Variants in TCF20 observed in about 807,000 individuals in gnomAD.
TCF20 encodes the protein SPRE-binding protein.
A neutral mutation model predicts 148.6 loss-of-function variants in TCF20; 3 were observed. The observed-to-expected ratio is 0.02, with a 90% confidence interval of 0.01 to 0.05. TCF20 has a LOEUF of 0.05. TCF20 is among the 10% of genes least tolerant of loss of function. The probability of loss-of-function intolerance (pLI) is 1.00; values close to 1 mark genes in which losing one functional copy is unlikely to be tolerated. For synonymous variants in TCF20, 1,049 were observed against 909.5 expected (o/e 1.15, Z -2.76); for missense variants, 2,350 against 2,429.3 (o/e 0.97, Z 0.69).
At chr22:42,188,212 T>A (rs1002429126) in intron 2 of TCF20, among the ~76,000 whole-genome samples, 1 of 139,998 alleles carries the variant, frequency 7.1e-6, no homozygotes, top group African/African-American at 2.6e-5. Context: ...GAGAATCGTT[T>A]GAACCTGGGA....
At chr22:42,246,844 T>C (rs1400618043) in intron 1 of TCF20, among the ~76,000 whole-genome samples, 1 of 151,728 alleles carries the variant, frequency 6.6e-6, no homozygotes, top group African/African-American at 2.4e-5. Context: ...CGGGTGCCTG[T>C]AATCCCAGCT....
At chr22:42,256,693 A>G (rs1925764286) in intron 1 of TCF20, among the ~76,000 whole-genome samples, 1 of 152,246 alleles carries the variant, frequency 6.6e-6, no homozygotes, top group Admixed American at 6.5e-5. Context: ...AGTTCAATGC[A>G]TAGTGTATCT....
rs542772473 is a variant in TCF20, at chr22:42,211,442, T to C, written c.3864A>G (p.Ser1288=). Residue 1288 remains serine, a synonymous_variant, in exon 2 of 6, where the codon TCA becomes TCG. Coordinates refer to ENST00000677622, the MANE Select transcript of TCF20 (RefSeq NM_001378418.1). ...TEDKGRLLHS[S]KEGADKAFNS... is the part of the protein sequence containing the mutation. The stretch of plus-strand genomic sequence containing the variant: ...TGAATGCTTTATCAGCGCCTTCTTT[T>C]GATGAGTGAAGGAGGCGACCTTTAT... The C allele has an allele frequency of 1.9e-6, 3 of 1,614,200 alleles. No homozygotes were observed. Among genetic ancestry groups the C allele is most frequent in the South Asian group, 2.2e-5 (2 of 91,080 alleles).
intron 1 of TCF20, among the ~76,000 whole-genome samples, chr22:42,233,645 G>A (rs577621380): frequency 6.6e-6 from 1 of 152,244 alleles, no homozygotes; most frequent in African/African-American, 2.4e-5. Flanking sequence ...TTACTGCCAC[G>A]CACAGAGCAA....
At chr22:42,174,797 G>T (rs374196770) in intron 3 of TCF20, among the ~76,000 whole-genome samples, 6 of 151,990 alleles carry the variant, frequency 3.9e-5, no homozygotes, top group South Asian at 2.1e-4. Flanking sequence ...GCACTTTGGG[G>T]GGCCAAGGTG....
At position 42,270,628 on chromosome 22, in the gene TCF20, C is replaced by G. The variant is rs914823475; in HGVS notation, c.-326G>C. On this transcript the variant is annotated 5_prime_UTR_variant, in exon 1 of 6. An upstream start codon of the reference 5' UTR is lost. Coordinates refer to ENST00000677622, the MANE Select transcript of TCF20 (RefSeq NM_001378418.1). ...GGCTGGGCTCGGGGTTTTTTCTCTC[C>G]ATTCTCCCAACACACAGGAAATAAC... Among the ~76,000 whole-genome samples the G allele has an allele frequency of 6.9e-6, 1 of 145,036 alleles. No homozygotes were observed. Among genetic ancestry groups the G allele is most frequent in the Non-Finnish European group, 1.5e-5 (1 of 65,378 alleles).
chr22:42,210,379 G>C lies in TCF20; in HGVS notation c.4927C>G (p.Leu1643Val). The change falls in exon 2 of 6, where the codon CTT becomes GTT. Residue 1643 changes from leucine to valine, a missense_variant. By Grantham distance (32) the Leu-to-Val change is conservative (BLOSUM62 1). Coordinates refer to ENST00000677622, the MANE Select transcript of TCF20 (RefSeq NM_001378418.1). The surrounding 1 kb of genome is among the most constrained non-coding windows in gnomAD (Gnocchi z 4.7). ...PYIHVVNKCE[L>V]GAVCTIINAE... ...TTGATGATTGTACAAACGGCTCCAA[G>C]TTCACACTTATTTACTACATGGATG... 6.2e-7 allele frequency: 1 copy of C among 1,614,214 alleles called. No individual in the cohort carries two copies. The highest frequency in any genetic ancestry group is 8.5e-7 in the Non-Finnish European group (1 of 1,180,052).
chr22:42,339,735 G>T (rs1468236836), intron 1 of TCF20, among the ~76,000 whole-genome samples: 1 of 152,224 alleles, frequency 6.6e-6, no homozygotes, highest in African/African-American at 2.4e-5. Context: ...CATCCCAGGA[G>T]GTGGCCCTGC....
upstream of TCF20, chr22:42,274,523 G>A (rs2147009697): frequency 6.6e-6 from 1 of 152,624 alleles, no homozygotes; most frequent in Non-Finnish European, 1.5e-5. Flanking sequence ...GGGGTGTGGG[G>A]GAGAGCCACC....
upstream of TCF20, among the ~76,000 whole-genome samples, chr22:42,273,416 A>G (rs1483792960): frequency 6.6e-6 from 1 of 150,398 alleles, no homozygotes; most frequent in Non-Finnish European, 1.5e-5. Flanking sequence ...CACTGTTAAC[A>G]CTAGCTGCAT....
intron 3 of TCF20, among the ~76,000 whole-genome samples, chr22:42,170,643 A>G (rs867640641): frequency 0.027 from 3,992 of 150,538 alleles, 276 homozygotes; most frequent in African/African-American, 0.092. Flanking sequence ...AAAAAAAAAA[A>G]AAAAAAAAAA....
At chr22:42,275,832 A>C (rs1471828992) in intron 1 of TCF20, among the ~76,000 whole-genome samples, 1 of 152,208 alleles carries the variant, frequency 6.6e-6, no homozygotes, top group Non-Finnish European at 1.5e-5. Context: ...GAAATGATCT[A>C]AGAGTCGCAG....
At position 42,214,931 on chromosome 22, in the gene TCF20, G is replaced by A. The variant is rs956342898; in HGVS notation, c.375C>T (p.Ser125=). 2.5e-6 allele frequency: 4 copies of A among 1,614,112 alleles called. No individual in the cohort carries two copies. Among genetic ancestry groups the A allele is most frequent in the Admixed American group, 1.7e-5 (1 of 60,010 alleles). ...CCTCACTCCCATACTGATTGCCAAA[G>A]CTGCTCCCCTGGGGGGGTCCATAGC... is the stretch of plus-strand genomic sequence containing the variant. The part of the protein sequence containing the change: ...VQSYGPPQGS[S]FGNQYGSEGH... The change falls in exon 2 of 6, where the codon AGC becomes AGT. Residue 125 remains serine, a synonymous_variant. Coordinates refer to ENST00000677622, the MANE Select transcript of TCF20 (RefSeq NM_001378418.1).
chr22:42,246,532 CTTTTTCTCGTACGTG>C (rs956063381), intron 1 of TCF20, among the ~76,000 whole-genome samples: 6 of 152,184 alleles, frequency 3.9e-5, no homozygotes, highest in Admixed American at 6.5e-5. Flanking sequence ...CATTGTTTGC[CTTTTTCTCGTACGTG>C]TTTTTCTCTA....
chr22:42,298,473 G>A (rs1927274230), intron 1 of TCF20, among the ~76,000 whole-genome samples: 1 of 152,224 alleles, frequency 6.6e-6, no homozygotes, highest in South Asian at 2.1e-4. Flanking sequence ...CCGGGGTGGT[G>A]ACTCCAGGGC....
At chr22:42,252,623 G>A (rs964715212) in intron 1 of TCF20, among the ~76,000 whole-genome samples, 51 of 152,036 alleles carry the variant, frequency 3.4e-4, no homozygotes, top group African/African-American at 1.1e-3. Flanking sequence ...GCTAATTTTT[G>A]TATTTTTAGT....
chr22:42,293,017 G>C (rs991478578), intron 1 of TCF20, among the ~76,000 whole-genome samples: 1 of 151,944 alleles, frequency 6.6e-6, no homozygotes, highest in African/African-American at 2.4e-5. Context: ...CCCAGCTCTG[G>C]GGCAAGGCAG....
chr22:42,169,699 C>G, intron 4 of TCF20, 148 bp downstream of exon 4: 1 of 728,336 alleles, frequency 1.4e-6, no homozygotes, highest in East Asian at 2.6e-5. Context: ...GCCCCTCCAC[C>G]CTCCCAGGGC....
intron 1 of TCF20, among the ~76,000 whole-genome samples, chr22:42,326,251 CCT>C (rs952006838): frequency 1.2e-4 from 19 of 152,230 alleles, no homozygotes; most frequent in African/African-American, 4.6e-4. Context: ...TCACCTGAGG[CCT>C]CTGTTTCTAT....
Sources: allele counts gnomAD v4.1 joint callset (sites outside exome capture counted in the v4.1 genomes callset), GRCh38; gene constraint gnomAD v4.1.1; non-coding constraint Gnocchi (gnomAD v3.1); transcripts MANE v1.5; gene names NCBI Gene and HGNC (gene_info 2026-07-23, HGNC 2026-07-21).